PLBD2: variants seen among roughly 807,000 people sequenced by gnomAD.
PLBD2 encodes putative aminopeptidase PLBD2.
PLBD2 carries 51 observed loss-of-function variants against 68.3 expected under a neutral mutation model. That is an observed-to-expected ratio of 0.75 (90% CI 0.60 to 0.94). The LOEUF (loss-of-function observed/expected upper bound fraction) is 0.94. Among genes scored for constraint, PLBD2 ranks in the 40% least tolerant of loss-of-function variants. The probability of loss-of-function intolerance (pLI) is 0.00; values close to 1 mark genes in which losing one functional copy is unlikely to be tolerated. For missense variants in PLBD2, 729 were observed against 792.2 expected (o/e 0.92, Z 0.96); for synonymous variants, 314 against 339.3 (o/e 0.93, Z 0.82).
At chr12:113,375,192 C>A in intron 5 of PLBD2, 185 bp downstream of exon 5, 2 of 617,726 alleles carry the variant, frequency 3.2e-6, no homozygotes, top group Non-Finnish European at 5.7e-6. Flanking sequence ...GTTGCCCAGG[C>A]TGGAGTACAG....
chr12:113,380,131 A>ATTTT (rs1269917701), intron 5 of PLBD2, among the ~76,000 whole-genome samples: 1 of 149,580 alleles, frequency 6.7e-6, no homozygotes, highest in Non-Finnish European at 1.5e-5. Flanking sequence ...TATTTCTTTT[A>ATTTT]TTTATTTATT....
At chr12:113,381,094 G>C (rs1957486044) in intron 6 of PLBD2, among the ~76,000 whole-genome samples, 1 of 152,116 alleles carries the variant, frequency 6.6e-6, no homozygotes, top group African/African-American at 2.4e-5. Flanking sequence ...AGACCCCCAG[G>C]CCCCGCACAG....
intron 6 of PLBD2, among the ~76,000 whole-genome samples, chr12:113,381,247 C>G (rs963661309): frequency 1.3e-5 from 2 of 151,886 alleles, no homozygotes; most frequent in Admixed American, 6.6e-5. Context: ...GTGCCCCCGC[C>G]CCCCCCACAT....
chr12:113,374,555 A>G lies in PLBD2; in HGVS notation c.625A>G (p.Ile209Val), dbSNP rs148893082. Residue 209 changes from isoleucine to valine, a missense_variant, in exon 4 of 12, where the codon ATC becomes GTC. By Grantham distance (29) the Ile-to-Val change is conservative. Coordinates refer to ENST00000280800, the MANE Select transcript of PLBD2 (RefSeq NM_173542.4). ...RVSFPAGKFTIKPLGFLLLQL... is the reference protein window; with the variant it reads ...RVSFPAGKFTVKPLGFLLLQL... ...GAGCTTCCCAGCTGGGAAGTTCACC[A>G]TCAAACCCTTGGGGTTCCTGTAAGT... is the stretch of plus-strand genomic sequence containing the variant. The G allele has an allele frequency of 1.0e-4, 165 of 1,601,920 alleles. No homozygotes were observed. The highest frequency in any genetic ancestry group is 1.3e-4 in the Non-Finnish European group (156 of 1,174,700).
intron 5 of PLBD2, 28 bp from the exon 6 acceptor site, chr12:113,380,717 G>T (rs370332537): frequency 7.6e-5 from 117 of 1,538,796 alleles, no homozygotes; most frequent in Non-Finnish European, 9.8e-5. Flanking sequence ...TGTCTGACCA[G>T]CATCCCTGGC....
chr12:113,365,832 A>C (rs1012578593), intron 1 of PLBD2, among the ~76,000 whole-genome samples: 4 of 152,158 alleles, frequency 2.6e-5, no homozygotes, highest in African/African-American at 9.7e-5. Flanking sequence ...TTCAAAACCC[A>C]GAACAGCTGT....
intron 10 of PLBD2, among the ~76,000 whole-genome samples, chr12:113,387,539 A>G (rs1957563378): frequency 6.6e-6 from 1 of 152,192 alleles, no homozygotes; most frequent in Non-Finnish European, 1.5e-5. Context: ...GTGCCTGAGC[A>G]GAGAGCTGAA....
Position 113,388,878 on chromosome 12 carries a change from G to A in PLBD2, c.*252G>A, listed in dbSNP as rs546704096. The A allele has an allele frequency of 5.6e-5, 22 of 395,488 alleles. No individual in the cohort carries two copies. The South Asian group carries it at 1.3e-3, about 24-fold the overall frequency. The allele number at this position is 395,488 out of a possible 1,614,324, so 24.5% of individuals were successfully genotyped here. ...CCTAAATCTCCCACTCTCTGTTTCTGTCTGTTTCCTACTGCTGCTCTCTCA... is the reference window on the plus strand; with the variant it reads ...CCTAAATCTCCCACTCTCTGTTTCTATCTGTTTCCTACTGCTGCTCTCTCA... On this transcript the variant is annotated 3_prime_UTR_variant, in exon 12 of 12. Transcript: ENST00000280800.
chr12:113,373,926 C>T (rs1026479803), intron 3 of PLBD2, among the ~76,000 whole-genome samples: 2 of 148,096 alleles, frequency 1.4e-5, no homozygotes, highest in African/African-American at 5.0e-5. Context: ...CCCACTCACC[C>T]ACCCATACAT....
chr12:113,373,711 C>T (rs1016244868), intron 3 of PLBD2, among the ~76,000 whole-genome samples: 1 of 151,434 alleles, frequency 6.6e-6, no homozygotes, highest in African/African-American at 2.4e-5. Flanking sequence ...CTCCATCCAC[C>T]CATCCTTCCA....
In PLBD2 at chr12:113,385,023, C is replaced by T. The variant is rs1049187607; in HGVS notation, c.1214+77C>T. The T allele has an allele frequency of 6.7e-5, 97 of 1,438,840 alleles. 2 individuals carry two copies. The highest frequency in any genetic ancestry group is 1.3e-4 in the African/African-American group (9 of 71,136). The allele number at this position is 1,438,840 out of a possible 1,614,324, so 89.1% of individuals were successfully genotyped here. On this transcript the variant is annotated intron_variant, in intron 8 of 11. Transcript: ENST00000280800. ...GGGTGAAGGCCCAGAGCCGTGCTGG[C>T]GCTGTGCAGGAAGTGAACGATCTCA...
chr12:113,367,714 G>A (rs1957353129), intron 1 of PLBD2, among the ~76,000 whole-genome samples: 1 of 146,462 alleles, frequency 6.8e-6, no homozygotes, highest in South Asian at 2.1e-4. Flanking sequence ...TCATGCCGCT[G>A]CACTTCAGCC....
At chr12:113,359,165 G>C (rs1045614910) in intron 1 of PLBD2, among the ~76,000 whole-genome samples, 5 of 152,244 alleles carry the variant, frequency 3.3e-5, no homozygotes, top group Admixed American at 6.5e-5. Context: ...CTACCACCGA[G>C]GCCGCAGTGC....
chr12:113,374,791 A>G lies in PLBD2; in HGVS notation c.645-2A>G. ...ACCCTCTGATGCCCTGGCCCTCCTCAGCCTGCTGCAGCTCTCTGGGGACCT... is the reference window on the plus strand; with the variant it reads ...ACCCTCTGATGCCCTGGCCCTCCTCGGCCTGCTGCAGCTCTCTGGGGACCT... On this transcript the variant is annotated splice_acceptor_variant, in intron 4 of 11. Transcript: ENST00000280800. LOFTEE classifies it high-confidence loss of function. 1 of 1,613,666 alleles carries G rather than the reference A, an allele frequency of 6.2e-7. No homozygotes were observed. The highest frequency in any genetic ancestry group is 1.3e-5 in the African/African-American group (1 of 75,030).
chr12:113,380,151 T>A (rs191970581), intron 5 of PLBD2, among the ~76,000 whole-genome samples: 315 of 152,290 alleles, frequency 2.1e-3, no homozygotes, highest in Admixed American at 6.3e-3. Flanking sequence ...TTATTTATTT[T>A]TTTTAGATGG....
chr12:113,372,921 C>G lies in PLBD2; in HGVS notation c.543+114C>G, dbSNP rs1457395063. On this transcript the variant is annotated intron_variant, in intron 3 of 11. Transcript: ENST00000280800. This position sits in a 1 kb window ranked among gnomAD's most constrained non-coding sequence, Gnocchi z 4.2. ...TCCAGCTGCCCAGCCGCCTCTGTTT[C>G]CATCATCATCTCCATCCCTCCTAGC... 3 of 1,220,614 alleles carry G rather than the reference C, an allele frequency of 2.5e-6. No homozygotes were observed. Among genetic ancestry groups the G allele is most frequent in the Non-Finnish European group, 3.4e-6 (3 of 878,042 alleles). The allele number at this position is 1,220,614 out of a possible 1,614,324, so 75.6% of individuals were successfully genotyped here.
In PLBD2 at chr12:113,387,724, C is replaced by T; in HGVS notation, c.1440-20C>T. On this transcript the variant is annotated intron_variant, in intron 10 of 11. Coordinates refer to ENST00000280800, the MANE Select transcript of PLBD2 (RefSeq NM_173542.4). ...TCTCCTTCCTGGGATGACTGATGTT[C>T]CCTCCTTTTCCCCATCCAGGTACAA... 1 of 1,608,890 alleles carries T rather than the reference C, an allele frequency of 6.2e-7. No individual in the cohort carries two copies.
intron 8 of PLBD2, 23 bp from the exon 9 acceptor site, chr12:113,385,189 C>G: frequency 1.2e-6 from 2 of 1,613,424 alleles, no homozygotes; most frequent in South Asian, 1.1e-5. Context: ...TCACCTCCAC[C>G]CCATCTCTCT....
intron 9 of PLBD2, among the ~76,000 whole-genome samples, chr12:113,386,501 G>A (rs1427348817): frequency 2.1e-5 from 3 of 145,192 alleles, no homozygotes; most frequent in African/African-American, 5.3e-5. Flanking sequence ...TTACAGGCAC[G>A]TGCCACCACG....
Sources: allele counts gnomAD v4.1 joint callset (sites outside exome capture counted in the v4.1 genomes callset), GRCh38; gene constraint gnomAD v4.1.1; non-coding constraint Gnocchi (gnomAD v3.1); transcripts MANE v1.5; gene names NCBI Gene and HGNC (gene_info 2026-07-23, HGNC 2026-07-21).